NWD2: variants seen among roughly 807,000 people sequenced by gnomAD.
The protein encoded by NWD2 is NACHT and WD repeat domain containing 2, also known as NACHT and WD repeat domain-containing protein 2.
NWD2 carries 37 observed loss-of-function variants against 132.7 expected under a neutral mutation model. The ratio of observed to expected loss-of-function variants is 0.28; its 90% confidence interval spans 0.21 to 0.37. The LOEUF (loss-of-function observed/expected upper bound fraction) is 0.37. Ranked by LOEUF, NWD2 falls within the 10% of genes least tolerant of loss-of-function variation. NWD2 has a pLI of 1.00. For synonymous variants in NWD2, 705 were observed against 803.0 expected, an observed-to-expected ratio of 0.88 and a Z score of 2.06; for missense variants, 1,592 against 2,122.4, an observed-to-expected ratio of 0.75 and a Z score of 4.91.
At chr4:37,276,787 T>C (rs891992665) in intron 1 of NWD2, among the ~76,000 whole-genome samples, 1 of 152,060 alleles carries the variant, frequency 6.6e-6, no homozygotes, top group Admixed American at 6.5e-5. Context: ...ACATACACCA[T>C]GGAATACTAT....
intron 3 of NWD2, among the ~76,000 whole-genome samples, chr4:37,369,194 G>A (rs1720166211): frequency 6.6e-6 from 1 of 151,792 alleles, no homozygotes; most frequent in South Asian, 2.1e-4. Context: ...ATTTATGAAA[G>A]GTAATTATTT....
chr4:37,419,542 A>G (rs1339123710), intron 3 of NWD2, among the ~76,000 whole-genome samples: 1 of 152,236 alleles, frequency 6.6e-6, no homozygotes, highest in African/African-American at 2.4e-5. Context: ...AGGAACTTAA[A>G]CAAATGTACA....
At chr4:37,276,933 A>T (rs1168477079) in intron 1 of NWD2, among the ~76,000 whole-genome samples, 2 of 151,868 alleles carry the variant, frequency 1.3e-5, no homozygotes, top group African/African-American at 2.4e-5. Flanking sequence ...GAATTGAACA[A>T]TGAGAACACA....
chr4:37,372,638 C>A (rs1016909498), intron 3 of NWD2, among the ~76,000 whole-genome samples: 1 of 152,142 alleles, frequency 6.6e-6, no homozygotes, highest in Non-Finnish European at 1.5e-5. Context: ...GATTTGTTTT[C>A]ATATATATCA....
At chr4:37,419,705 C>A (rs552383633) in intron 3 of NWD2, among the ~76,000 whole-genome samples, 20 of 152,166 alleles carry the variant, frequency 1.3e-4, no homozygotes, top group African/African-American at 4.8e-4. Flanking sequence ...TTTTTAGTTT[C>A]TCAGAATTAG....
chr4:37,396,687 T>C (rs1372608535), intron 3 of NWD2, among the ~76,000 whole-genome samples: 1 of 152,074 alleles, frequency 6.6e-6, no homozygotes, highest in Non-Finnish European at 1.5e-5. Flanking sequence ...TCTCTACAGA[T>C]GGAACTTCCC....
chr4:37,385,592 G>A (rs369782105), intron 3 of NWD2, among the ~76,000 whole-genome samples: 49 of 152,246 alleles, frequency 3.2e-4, no homozygotes, highest in East Asian at 1.2e-3. Flanking sequence ...GTGAAAAACC[G>A]GAAAGTGTTA....
At chr4:37,277,389 G>C (rs963809101) in intron 1 of NWD2, among the ~76,000 whole-genome samples, 1 of 151,264 alleles carries the variant, frequency 6.6e-6, no homozygotes, top group African/African-American at 2.4e-5. Flanking sequence ...CTTCTTCTGG[G>C]ACTCCCACAT....
chr4:37,418,812 T>A (rs1255844619), intron 3 of NWD2, among the ~76,000 whole-genome samples: 2 of 152,110 alleles, frequency 1.3e-5, no homozygotes, highest in African/African-American at 2.4e-5. Context: ...TTTCTCCACA[T>A]CCTCTCCAGC....
Position 37,354,037 on chromosome 4 carries a change from C to CT in NWD2, c.241-2324dup, listed in dbSNP as rs370906936. On this transcript the variant is annotated intron_variant, in intron 2 of 6. Transcript: ENST00000309447. ...CCTTAGGGTGGGGTGTGTGGACATC[C>CT]TTTTTGTTGATGTTGATGCTATTCC... Among the ~76,000 whole-genome samples, 302 of 152,140 alleles carry CT rather than the reference C, an allele frequency of 2.0e-3. 2 individuals carry two copies. The highest frequency in any genetic ancestry group is 6.8e-3 in the African/African-American group (283 of 41,526).
chr4:37,402,997 TGAGA>T (rs373710677), intron 3 of NWD2, among the ~76,000 whole-genome samples: 2 of 151,650 alleles, frequency 1.3e-5, no homozygotes, highest in African/African-American at 4.8e-5. Context: ...ATTAATTCCC[TGAGA>T]GAGAGAGAGA....
At chr4:37,314,051 G>A (rs376387591) in intron 1 of NWD2, among the ~76,000 whole-genome samples, 31 of 152,146 alleles carry the variant, frequency 2.0e-4, no homozygotes, top group African/African-American at 5.3e-4. Context: ...CTTTTTCTGC[G>A]TCTATTGAGC....
intron 1 of NWD2, among the ~76,000 whole-genome samples, chr4:37,251,628 A>G (rs17603438): frequency 0.067 from 10,174 of 152,218 alleles, 739 homozygotes; most frequent in East Asian, 0.38. Context: ...GTTAGCCACT[A>G]TGACTCCTGG....
At chr4:37,326,134 T>A (rs1018485063) in intron 2 of NWD2, 110 bp downstream of exon 2, 28 of 635,764 alleles carry the variant, frequency 4.4e-5, no homozygotes, top group Admixed American at 3.9e-4. Flanking sequence ...CCTGAAAAAA[T>A]TTATTTCTTC....
At chr4:37,371,392 A>G (rs1720227757) in intron 3 of NWD2, among the ~76,000 whole-genome samples, 1 of 152,096 alleles carries the variant, frequency 6.6e-6, no homozygotes, top group African/African-American at 2.4e-5. Flanking sequence ...TCAATATGTT[A>G]AGCAATAAGT....
chr4:37,378,237 G>C (rs997454327), intron 3 of NWD2, among the ~76,000 whole-genome samples: 1 of 151,574 alleles, frequency 6.6e-6, no homozygotes, highest in Non-Finnish European at 1.5e-5. Context: ...AACTGGCTTT[G>C]ATTTGGAAAA....
intron 3 of NWD2, among the ~76,000 whole-genome samples, chr4:37,396,490 A>G (rs1345813844): frequency 1.3e-5 from 2 of 152,172 alleles, no homozygotes; most frequent in African/African-American, 4.8e-5. Flanking sequence ...TGCCGTCACT[A>G]TTCTTTACAA....
chr4:37,268,257 GGA>G (rs1717798327), intron 1 of NWD2, among the ~76,000 whole-genome samples: 1 of 151,800 alleles, frequency 6.6e-6, no homozygotes, highest in Non-Finnish European at 1.5e-5. Flanking sequence ...TCTCTCTCCT[GGA>G]GAGTTATTCT....
chr4:37,430,104 C>T (rs931456878), intron 3 of NWD2, among the ~76,000 whole-genome samples: 6 of 152,100 alleles, frequency 3.9e-5, no homozygotes, highest in African/African-American at 1.4e-4. Flanking sequence ...AGTAGTATCA[C>T]ATTCAGTGAT....
Sources: allele counts gnomAD v4.1 joint callset (sites outside exome capture counted in the v4.1 genomes callset), GRCh38; gene constraint gnomAD v4.1.1; transcripts MANE v1.5; gene names NCBI Gene and HGNC (gene_info 2026-07-23, HGNC 2026-07-21).